USH2A: variants seen among roughly 807,000 people sequenced by gnomAD.
USH2A encodes the protein usherin, also known as Usher syndrome 2A (autosomal recessive, mild).
In USH2A, 443 loss-of-function variants were observed where a neutral mutation model predicts 538.9. The ratio of observed to expected loss-of-function variants is 0.82; its 90% CI spans 0.76 to 0.89. The LOEUF (loss-of-function observed/expected upper bound fraction) is 0.89, where lower values mean the gene tolerates loss of function less well. USH2A is among the 40% of genes least tolerant of loss of function. The probability of loss-of-function intolerance (pLI) is 0.00; values close to 1 mark genes in which losing one functional copy is unlikely to be tolerated. For missense variants in USH2A, 6,633 were observed against 6,324.8 expected, an observed-to-expected ratio of 1.05 and a Z score of -1.65; for synonymous variants, 2,413 against 2,273.5, an observed-to-expected ratio of 1.06 and a Z score of -1.75.
chr1:216,413,988 T>C (rs1215287006), intron 3 of USH2A, among the ~76,000 whole-genome samples: 4 of 152,140 alleles, frequency 2.6e-5, no homozygotes, highest in African/African-American at 9.6e-5. Context: ...CACATATACT[T>C]ATTTCCATAT....
chr1:215,993,005 A>G lies in USH2A; in HGVS notation c.6805+15T>C, dbSNP rs1668037007. On this transcript the variant is annotated intron_variant, in intron 35 of 71. Coordinates refer to ENST00000307340, the MANE Select transcript of USH2A (RefSeq NM_206933.4). ...TAATCATCTTTTTAACTTGAGGCTA[A>G]AAGAGTTCACTTACCATTCGGATAT... is the stretch of plus-strand genomic sequence containing the variant. The G allele has an allele frequency of 4.3e-6, 7 of 1,614,050 alleles. No individual in the cohort carries two copies. The East Asian group carries it at 1.6e-4, about 36-fold the overall frequency.
chr1:215,868,773 G>A (rs1237895389), intron 43 of USH2A, among the ~76,000 whole-genome samples: 1 of 152,154 alleles, frequency 6.6e-6, no homozygotes, highest in Non-Finnish European at 1.5e-5. Context: ...TGATGGCCAT[G>A]TAAAAACAGA....
At chr1:215,743,389 TG>T in intron 58 of USH2A, 54 bp from the exon 59 acceptor site, 2 of 202,250 alleles carry the variant, frequency 9.9e-6, no homozygotes, top group Non-Finnish European at 1.8e-5. Context: ...TATATATATG[TG>T]TGTGTGTGTG....
At chr1:216,295,508 T>G (rs1329593376) in intron 9 of USH2A, among the ~76,000 whole-genome samples, 2 of 151,962 alleles carry the variant, frequency 1.3e-5, no homozygotes, top group Admixed American at 1.3e-4. Context: ...TTTTGATATC[T>G]GAATGATCAG....
chr1:215,880,051 G>A (rs1446818655), intron 41 of USH2A, among the ~76,000 whole-genome samples: 2 of 152,144 alleles, frequency 1.3e-5, no homozygotes, highest in African/African-American at 4.8e-5. Context: ...GCACAGAGGT[G>A]GAGTTCAGTT....
chr1:215,890,164 A>G (rs1665172405), intron 40 of USH2A, among the ~76,000 whole-genome samples: 1 of 152,198 alleles, frequency 6.6e-6, no homozygotes, highest in African/African-American at 2.4e-5. Flanking sequence ...AAAACAGATC[A>G]AGAAAATACT....
intron 11 of USH2A, among the ~76,000 whole-genome samples, chr1:216,251,717 G>A (rs1456413600): frequency 6.6e-6 from 1 of 152,082 alleles, no homozygotes; most frequent in Admixed American, 6.6e-5. Flanking sequence ...TGGGATTACA[G>A]GCGTGAATCA....
At chr1:215,862,330 C>T (rs1048902602) in intron 44 of USH2A, among the ~76,000 whole-genome samples, 6 of 152,050 alleles carry the variant, frequency 3.9e-5, no homozygotes, top group East Asian at 3.9e-4. Context: ...AACCAAACAC[C>T]GCATGTTCTC....
chr1:215,977,852 A>T (rs563238994), intron 35 of USH2A, among the ~76,000 whole-genome samples: 1 of 152,332 alleles, frequency 6.6e-6, no homozygotes, highest in South Asian at 2.1e-4. Context: ...CAGGCCAAGC[A>T]TGGTGGCTCA....
At chr1:216,166,982 T>G (rs1398462131) in intron 21 of USH2A, among the ~76,000 whole-genome samples, 1 of 152,076 alleles carries the variant, frequency 6.6e-6, no homozygotes, top group African/African-American at 2.4e-5. Context: ...TCCTTCTGTC[T>G]CATGCCTTTA....
intron 49 of USH2A, among the ~76,000 whole-genome samples, chr1:215,810,460 T>C (rs34332546): frequency 0.39 from 59,733 of 151,968 alleles, 12,129 homozygotes; most frequent in Admixed American, 0.52. Context: ...ACTAAGAATT[T>C]TTCATTAGTT....
intron 37 of USH2A, among the ~76,000 whole-genome samples, chr1:215,953,068 T>G (rs990876493): frequency 6.6e-6 from 1 of 151,958 alleles, no homozygotes; most frequent in African/African-American, 2.4e-5. Context: ...TAAAAGAGGA[T>G]ACAAACAAAT....
At chr1:216,044,699 A>G (rs2030434294) in intron 32 of USH2A, among the ~76,000 whole-genome samples, 1 of 152,166 alleles carries the variant, frequency 6.6e-6, no homozygotes, top group African/African-American at 2.4e-5. Flanking sequence ...AAGTTAAAAC[A>G]CTTGTTTTTA....
intron 32 of USH2A, among the ~76,000 whole-genome samples, chr1:216,041,884 A>G (rs892329369): frequency 1.3e-5 from 2 of 152,078 alleles, no homozygotes; most frequent in Admixed American, 6.6e-5. Flanking sequence ...TAAGAATATA[A>G]AATTCACTGC....
chr1:216,227,536 T>C (rs1328170156), intron 14 of USH2A, among the ~76,000 whole-genome samples: 2 of 152,030 alleles, frequency 1.3e-5, no homozygotes, highest in Admixed American at 6.6e-5. Context: ...GCAAAGATCA[T>C]GGAATGGAGG....
At chr1:216,218,997 TG>T (rs1367539874) in intron 14 of USH2A, among the ~76,000 whole-genome samples, 1 of 151,710 alleles carries the variant, frequency 6.6e-6, no homozygotes, top group East Asian at 1.9e-4. Flanking sequence ...TGTATGTGTG[TG>T]TGTGTGTGTG....
chr1:215,953,797 T>C (rs1312504567), intron 37 of USH2A, among the ~76,000 whole-genome samples: 1 of 151,474 alleles, frequency 6.6e-6, no homozygotes, highest in Non-Finnish European at 1.5e-5. Context: ...TGGGAGAAAT[T>C]TTTTGCAATC....
intron 44 of USH2A, among the ~76,000 whole-genome samples, chr1:215,849,097 G>A (rs2102826006): frequency 6.6e-6 from 1 of 152,310 alleles, no homozygotes. Context: ...GGGTCTGAAT[G>A]TATCTCTCCT....
chr1:216,255,376 T>C (rs916850886), intron 11 of USH2A, among the ~76,000 whole-genome samples: 4 of 152,226 alleles, frequency 2.6e-5, no homozygotes, highest in Non-Finnish European at 5.9e-5. Context: ...GCTATTAATA[T>C]ACTACTAAGT....
Sources: gnomAD v4.1 joint callset for allele counts (sites outside exome capture counted in the v4.1 genomes callset) on GRCh38, gnomAD v4.1.1 for gene constraint, MANE v1.5 for transcripts, NCBI Gene and HGNC (gene_info 2026-07-23, HGNC 2026-07-21) for gene names.